PRKAR1A: variants seen among roughly 807,000 people sequenced by gnomAD.
PRKAR1A encodes protein kinase cAMP-dependent type I regulatory subunit alpha, also known as cAMP-dependent protein kinase type I-alpha regulatory subunit.
Under a neutral mutation model 52.0 loss-of-function variants are expected in PRKAR1A, and 3 were observed. That is an observed-to-expected ratio of 0.06 (90% CI 0.03 to 0.15). The LOEUF (loss-of-function observed/expected upper bound fraction) is 0.15, where lower values mean the gene tolerates loss of function less well. PRKAR1A is among the 10% of genes least tolerant of loss of function. The pLI is 1.00. For missense variants in PRKAR1A, 240 were observed against 477.4 expected (o/e 0.50, Z 4.63); for synonymous variants, 188 against 168.4 (o/e 1.12, Z -0.90).
At chr17:68,534,474 A>G (rs1707440834), downstream of PRKAR1A, among the ~76,000 whole-genome samples, 1 of 151,864 alleles carries the variant, frequency 6.6e-6, no homozygotes, top group South Asian at 2.1e-4. Context: ...GCCTCCCAAC[A>G]CACATGTTCC....
chr17:68,508,903 T>A (rs978411743), upstream of PRKAR1A, among the ~76,000 whole-genome samples: 2 of 152,124 alleles, frequency 1.3e-5, no homozygotes, highest in African/African-American at 4.8e-5. Context: ...CTGGAATTAG[T>A]TATGTCTGAA....
chr17:68,519,639 T>C lies in PRKAR1A; in HGVS notation c.178-3117T>C, dbSNP rs143472917. Among the ~76,000 whole-genome samples, 587 of 152,364 alleles carry C rather than the reference T, an allele frequency of 3.9e-3. 10 individuals carry two copies. Among genetic ancestry groups the C allele is most frequent in the African/African-American group, 0.014 (575 of 41,592 alleles). On this transcript the variant is annotated intron_variant, in intron 2 of 10. Transcript: ENST00000589228. ...ACCTTCTTCGTCATTACTGGGGGGT[T>C]GTGTTTCTGTTACCTTCAACTACTC...
rs201472242 is a variant in PRKAR1A, at chr17:68,515,552, G to A, written c.153G>A (p.Arg51=). The change falls in exon 2 of 11, where the codon AGG becomes AGA. Residue 51 remains arginine, a synonymous_variant. Coordinates refer to ENST00000589228, the MANE Select transcript of PRKAR1A (RefSeq NM_002734.5). ...CTGAGAGACCCATGGCATTCCTCAG[G>A]GAATACTTTGAGAGGTTGGAGAAGG... ...ARPERPMAFL[R]EYFERLEKEE... 2.5e-6 allele frequency: 4 copies of A among 1,612,612 alleles called. No homozygotes were observed. Among genetic ancestry groups the A allele is most frequent in the African/African-American group, 1.3e-5 (1 of 74,972 alleles).
chr17:68,535,669 A>AT (rs746301558), downstream of PRKAR1A: 3,234 of 322,864 alleles, frequency 0.01, no homozygotes, highest in Middle Eastern at 0.016. Flanking sequence ...TTAAAAAAAA[A>AT]TTTTTTTTTT....
intron 11 of PRKAR1A, chr17:68,539,841 A>G (rs765194204): frequency 9.5e-6 from 15 of 1,586,038 alleles, no homozygotes; most frequent in Non-Finnish European, 1.2e-5. Context: ...ACAGAGCAGC[A>G]CATCTGGGAG....
the PRKAR1A span, among the ~76,000 whole-genome samples, chr17:68,455,126 C>G: frequency 2.0e-5 from 3 of 152,072 alleles, no homozygotes; most frequent in African/African-American, 7.2e-5. Flanking sequence ...TTTTGGGAGG[C>G]TGAGGTGGGT....
chr17:68,451,533 C>G, the PRKAR1A span, among the ~76,000 whole-genome samples: 1 of 152,212 alleles, frequency 6.6e-6, no homozygotes, highest in Admixed American at 6.5e-5. Context: ...CCCCTCCAGA[C>G]CCTAGGGCTC....
At position 68,531,476 on chromosome 17, in the gene PRKAR1A, G is replaced by A. The variant is rs1240390167; in HGVS notation, c.*1027G>A. 5.9e-5 allele frequency: 63 copies of A among 1,066,036 alleles called. No individual in the cohort carries two copies. The highest frequency in any genetic ancestry group is 6.7e-5 in the Non-Finnish European group (59 of 879,574). 66.0% of individuals were successfully genotyped at this position (1,066,036 alleles called of 1,614,324 possible). ...GCTGCTAAAGGGAGAAATGCCAGGC[G>A]GACAAAGTTCAGTGTCGGGAATTTT... On this transcript the variant is annotated 3_prime_UTR_variant, in exon 11 of 11. Transcript: ENST00000589228.
the PRKAR1A span, among the ~76,000 whole-genome samples, chr17:68,447,850 G>A: frequency 8.1e-3 from 1,223 of 151,894 alleles, 13 homozygotes; most frequent in African/African-American, 0.025. Context: ...AACATTAGCC[G>A]GGCGTGGTGG....
chr17:68,523,828 CT>C lies in PRKAR1A; in HGVS notation c.440+13del, dbSNP rs1568696213. The C allele has an allele frequency of 6.2e-7, 1 of 1,611,364 alleles. No homozygotes were observed. The highest frequency in any genetic ancestry group is 1.3e-5 in the African/African-American group (1 of 74,964). On this transcript the variant is annotated intron_variant, in intron 4 of 10. Transcript: ENST00000589228. ...GATAATGAGAGAAGGTAGGAACAGGCTCTTTCTTAACACTATTTTTCAAGTA... is the reference window on the plus strand; with the variant it reads ...GATAATGAGAGAAGGTAGGAACAGGCCTTTCTTAACACTATTTTTCAAGTA...
intron 11 of PRKAR1A, among the ~76,000 whole-genome samples, chr17:68,543,395 G>A (rs1464639914): frequency 2.0e-5 from 3 of 152,286 alleles, no homozygotes; most frequent in South Asian, 2.1e-4. Flanking sequence ...GGCGGGAAGC[G>A]TGTTCTTTGT....
chr17:68,426,251 G>GGGGGGGGGGGGGA, the PRKAR1A span: 2 of 825,460 alleles, frequency 2.4e-6, 1 homozygote, highest in Admixed American at 4.7e-5. Flanking sequence ...GTGGGGAGCG[G>GGGGGGGGGGGGGA]GGGCTCAAAT....
chr17:68,489,503 GTA>G, the PRKAR1A span, among the ~76,000 whole-genome samples: 2 of 141,728 alleles, frequency 1.4e-5, no homozygotes, highest in African/African-American at 2.6e-5. Context: ...TATATAGATA[GTA>G]TATATATATG....
At position 68,530,475 on chromosome 17, in the gene PRKAR1A, C is replaced by T. The variant is rs1064756; in HGVS notation, c.*26C>T. On this transcript the variant is annotated 3_prime_UTR_variant, in exon 11 of 11. Transcript: ENST00000589228. Reference sequence around the variant, plus strand: ...AATCTGCCTCCTGTGCCTCCCTTTTCTCCTCTCCCCAATCCATGCTTCACT... The same window carrying T: ...AATCTGCCTCCTGTGCCTCCCTTTTTTCCTCTCCCCAATCCATGCTTCACT... 1 of 1,613,944 alleles carries T rather than the reference C, an allele frequency of 6.2e-7. No individual in the cohort carries two copies. Among genetic ancestry groups the T allele is most frequent in the Non-Finnish European group, 8.5e-7 (1 of 1,179,880 alleles).
rs2143391057 is a variant in PRKAR1A, at chr17:68,530,364, G to A, written c.1061G>A (p.Arg354Lys). ...PLKCVKLDRP[R>K]FERVLGPCSD... is the part of the protein sequence containing the mutation. ...AAGTGCGTTAAGCTGGACCGACCTA[G>A]ATTTGAACGTGTTCTTGGCCCATGC... The change falls in exon 11 of 11, where the codon AGA (arginine) becomes AAA (lysine). Residue 354 changes from arginine (R) to lysine (K), a missense_variant. Physicochemically the swap from Arg to Lys is conservative, Grantham distance 26 (BLOSUM62 2). Around this residue, in one of 4 missense-constraint regions of PRKAR1A, gnomAD observed 26 missense variants for 53.6 expected, o/e 0.48. Transcript: ENST00000589228. 6.2e-7 allele frequency: 1 copy of A among 1,614,132 alleles called. No individual in the cohort carries two copies. Among genetic ancestry groups the A allele is most frequent in the Non-Finnish European group, 8.5e-7 (1 of 1,180,002 alleles).
the PRKAR1A span, among the ~76,000 whole-genome samples, chr17:68,445,656 G>A: frequency 2.0e-5 from 3 of 152,316 alleles, no homozygotes; most frequent in South Asian, 4.1e-4. Context: ...CAATGGCTGT[G>A]CTCTCAGCTA....
At chr17:68,464,678 ACT>A in the PRKAR1A span, among the ~76,000 whole-genome samples, 1 of 131,288 alleles carries the variant, frequency 7.6e-6, no homozygotes, top group Non-Finnish European at 1.6e-5. Context: ...ACAAAGCGAG[ACT>A]CTGTCTCAAA....
the PRKAR1A span, among the ~76,000 whole-genome samples, chr17:68,438,105 A>G: frequency 6.6e-6 from 1 of 152,206 alleles, no homozygotes; most frequent in African/African-American, 2.4e-5. Context: ...AAAGAAAGTA[A>G]ACATTTAGAG....
At chr17:68,436,852 G>A in the PRKAR1A span, among the ~76,000 whole-genome samples, 65 of 152,142 alleles carry the variant, frequency 4.3e-4, no homozygotes, top group African/African-American at 1.5e-3. Context: ...CAAATAGCTG[G>A]GCATGGTGGT....
Sources: gnomAD v4.1 joint callset for allele counts (sites outside exome capture counted in the v4.1 genomes callset) on GRCh38, gnomAD v4.1.1 for gene constraint, gnomAD v4.1.1 regional missense constraint, MANE v1.5 for transcripts, NCBI Gene and HGNC (gene_info 2026-07-23, HGNC 2026-07-21) for gene names.